The following ZFAT variants were observed in gnomAD, a reference collection of about 807,000 sequenced individuals.
ZFAT encodes zinc finger protein ZFAT.
A neutral mutation model predicts 117.7 loss-of-function variants in ZFAT; 64 were observed. That is an observed-to-expected ratio of 0.54 (90% CI 0.44 to 0.67). ZFAT has a LOEUF of 0.67. Ranked by LOEUF, ZFAT falls within the 30% of genes least tolerant of loss-of-function variation. The pLI, the probability that ZFAT is intolerant of heterozygous loss-of-function variation, is 0.00. For synonymous variants in ZFAT, 679 were observed against 615.0 expected (o/e 1.10, Z -1.54); for missense variants, 1,433 against 1,584.5 (o/e 0.90, Z 1.62).
At chr8:134,745,610 G>A in the ZFAT span, among the ~76,000 whole-genome samples, 60 of 152,336 alleles carry the variant, frequency 3.9e-4, no homozygotes, top group East Asian at 0.011. Flanking sequence ...CAGTTTCACA[G>A]TGATGTTCAA....
In ZFAT at chr8:134,603,224, A is replaced by G. The variant is rs531210012; in HGVS notation, c.786-291T>C. Among the ~76,000 whole-genome samples, 184 of 152,296 alleles carry G rather than the reference A, an allele frequency of 1.2e-3. 2 individuals are homozygous for G. Among genetic ancestry groups the G allele is most frequent in the Non-Finnish European group, 3.8e-4 (26 of 68,028 alleles). On this transcript the variant is annotated intron_variant, in intron 5 of 15. Transcript: ENST00000377838. ...ACCACAAAAAAGGAAAGAGACCTCT[A>G]ACCTGGATTAGGATAGCTGAGAAAA...
rs565262400 is a variant in ZFAT, at chr8:134,610,674, G to C, written c.449-19C>G. On this transcript the variant is annotated intron_variant, in intron 3 of 15. Transcript: ENST00000377838. Reference sequence around the variant, plus strand: ...TCGTTACCTAAGGAGCAAATACCAAGATGCATAAGGTATCCTTTTATATCA... The same window carrying C: ...TCGTTACCTAAGGAGCAAATACCAACATGCATAAGGTATCCTTTTATATCA... The C allele has an allele frequency of 1.1e-5, 17 of 1,612,478 alleles. No homozygotes were observed. In the East Asian group the frequency reaches 3.1e-4, roughly 30 times the overall value.
At chr8:134,579,324 T>C (rs11781281) in intron 10 of ZFAT, among the ~76,000 whole-genome samples, 13,876 of 152,230 alleles carry the variant, frequency 0.091, 953 homozygotes, top group East Asian at 0.37. Context: ...AAAAGAAGTT[T>C]AACGATTCAC....
chr8:134,531,710 A>G (rs1488127193), intron 12 of ZFAT, among the ~76,000 whole-genome samples: 1 of 152,230 alleles, frequency 6.6e-6, no homozygotes, highest in African/African-American at 2.4e-5. Context: ...ACGAAGGCAC[A>G]TGCTCGCCGT....
chr8:134,708,422 C>G (rs1421027684), intron 1 of ZFAT, among the ~76,000 whole-genome samples: 4 of 151,924 alleles, frequency 2.6e-5, no homozygotes, highest in Admixed American at 1.3e-4. Context: ...CATAACATCA[C>G]ATTATACCCC....
chr8:134,568,066 C>T (rs1824603322), intron 10 of ZFAT, among the ~76,000 whole-genome samples: 1 of 152,236 alleles, frequency 6.6e-6, no homozygotes, highest in East Asian at 1.9e-4. Context: ...TGAGTGCACA[C>T]ACAGACTGAA....
chr8:134,782,750 C>T, the ZFAT span, among the ~76,000 whole-genome samples: 2 of 152,032 alleles, frequency 1.3e-5, no homozygotes, highest in South Asian at 4.1e-4. Flanking sequence ...TGAGGCCTCC[C>T]CAGCCACGTG....
the ZFAT span, among the ~76,000 whole-genome samples, chr8:134,720,269 A>C: frequency 6.6e-6 from 1 of 152,238 alleles, no homozygotes; most frequent in African/African-American, 2.4e-5. Context: ...ATTGCAAAAC[A>C]TGATAACCAG....
At chr8:134,797,789 T>A in the ZFAT span, 1 of 151,942 alleles carries the variant, frequency 6.6e-6, no homozygotes, top group Admixed American at 6.6e-5. Flanking sequence ...GTGAAATTGT[T>A]GTTTTATAAT....
chr8:134,649,021 A>G (rs1433524917), intron 2 of ZFAT, among the ~76,000 whole-genome samples: 1 of 151,930 alleles, frequency 6.6e-6, no homozygotes, highest in Non-Finnish European at 1.5e-5. Context: ...AACAAATAAG[A>G]AAAAAAACCA....
intron 3 of ZFAT, among the ~76,000 whole-genome samples, chr8:134,617,874 T>C (rs1159007839): frequency 6.6e-6 from 1 of 152,154 alleles, no homozygotes; most frequent in African/African-American, 2.4e-5. Flanking sequence ...TCAACTTGAA[T>C]TGTATCTCCC....
chr8:134,537,753 G>A (rs538652197), intron 11 of ZFAT, among the ~76,000 whole-genome samples: 34 of 152,316 alleles, frequency 2.2e-4, no homozygotes, highest in Middle Eastern at 3.4e-3. Flanking sequence ...ATGGACGAGA[G>A]ATGCTAAAGG....
the ZFAT span, chr8:134,765,451 C>G: frequency 1.3e-5 from 2 of 152,132 alleles, no homozygotes; most frequent in African/African-American, 4.8e-5. Context: ...TTGGCTAACC[C>G]TGACAGCTAA....
chr8:134,525,237 T>G (rs953395345), intron 12 of ZFAT, among the ~76,000 whole-genome samples: 1 of 152,226 alleles, frequency 6.6e-6, no homozygotes, highest in African/African-American at 2.4e-5. Context: ...TCATCCTCTG[T>G]GTGGAGTCCT....
At chr8:134,813,807 C>T in the ZFAT span, among the ~76,000 whole-genome samples, 17 of 95,666 alleles carry the variant, frequency 1.8e-4, no homozygotes, top group East Asian at 3.5e-3. Context: ...TTTATACACA[C>T]ACACACACAC....
At chr8:134,637,041 C>T (rs1429524148) in intron 3 of ZFAT, among the ~76,000 whole-genome samples, 1 of 152,268 alleles carries the variant, frequency 6.6e-6, no homozygotes, top group African/African-American at 2.4e-5. Context: ...GTCCTTCCTT[C>T]AATTCAATGC....
chr8:134,597,571 C>T lies in ZFAT; in HGVS notation c.2475+2865G>A, dbSNP rs567965207. The T allele has an allele frequency of 2.6e-5, 4 of 152,156 alleles. No individual in the cohort carries two copies. The South Asian group carries it at 6.2e-4, about 24-fold the overall frequency. The allele number at this position is 152,156 out of a possible 1,614,324, so 9.4% of individuals were successfully genotyped here. A position where few individuals can be genotyped will look rare whatever the true frequency, so the allele number is the denominator to read the frequency against. On this transcript the variant is annotated intron_variant, in intron 7 of 15. Coordinates refer to ENST00000377838, the MANE Select transcript of ZFAT (RefSeq NM_020863.4). ...GGCGGAGAGTACATTGTTGTATTGACGTCACTGTCCCTCTCACGTTGCCAT... is the reference window on the plus strand; with the variant it reads ...GGCGGAGAGTACATTGTTGTATTGATGTCACTGTCCCTCTCACGTTGCCAT...
chr8:134,525,556 C>T (rs987105949), intron 12 of ZFAT, among the ~76,000 whole-genome samples: 3 of 152,192 alleles, frequency 2.0e-5, no homozygotes, highest in African/African-American at 4.8e-5. Flanking sequence ...AGTTTTGATG[C>T]GCTCAATCTC....
chr8:134,821,184 T>A, the ZFAT span, among the ~76,000 whole-genome samples: 5 of 152,198 alleles, frequency 3.3e-5, no homozygotes, highest in South Asian at 1.0e-3. Context: ...AGTTTTATAG[T>A]AATGCAATAC....
Sources: gnomAD v4.1 joint callset for allele counts (sites outside exome capture counted in the v4.1 genomes callset) on GRCh38, gnomAD v4.1.1 for gene constraint, MANE v1.5 for transcripts, NCBI Gene and HGNC (gene_info 2026-07-23, HGNC 2026-07-21) for gene names.